The following TPRG1 variants were observed in gnomAD, a reference collection of about 807,000 sequenced individuals.
TPRG1 encodes the protein tumor protein p63-regulated gene 1 protein.
TPRG1 carries 29 observed loss-of-function variants against 29.3 expected under a neutral mutation model. That is an observed-to-expected ratio of 0.99 (90% CI 0.74 to 1.35). TPRG1 has a LOEUF of 1.35. Among genes scored for constraint, TPRG1 ranks in the 40% most tolerant of loss-of-function variants. The pLI, the probability that TPRG1 is intolerant of heterozygous loss-of-function variation, is 0.00. For synonymous variants in TPRG1, 130 were observed against 116.8 expected (o/e 1.11, Z -0.73); for missense variants, 327 against 335.0 (o/e 0.98, Z 0.19).
intron 1 of TPRG1, among the ~76,000 whole-genome samples, chr3:189,190,602 C>G (rs1036671560): frequency 1.3e-5 from 2 of 152,164 alleles, no homozygotes; most frequent in Non-Finnish European, 2.9e-5. Flanking sequence ...GATAAGAATG[C>G]TAATAGCTCT....
intron 2 of TPRG1, among the ~76,000 whole-genome samples, chr3:189,004,010 A>T (rs543410109): frequency 2.2e-4 from 34 of 152,070 alleles, no homozygotes; most frequent in Non-Finnish European, 4.0e-4. Flanking sequence ...TCCGAGTAAA[A>T]CTCGGTGAAA....
At chr3:189,017,475 C>T (rs1320534851) in intron 3 of TPRG1, among the ~76,000 whole-genome samples, 7 of 151,954 alleles carry the variant, frequency 4.6e-5, no homozygotes, top group East Asian at 1.9e-4. Flanking sequence ...TGAGAATATG[C>T]GGTGTTTGGT....
chr3:189,049,623 C>T (rs1715189476), intron 4 of TPRG1, among the ~76,000 whole-genome samples: 1 of 152,272 alleles, frequency 6.6e-6, no homozygotes, highest in Non-Finnish European at 1.5e-5. Context: ...TGCCCACCAC[C>T]AGTTCCTCTC....
chr3:189,197,580 A>T (rs537067327), intron 1 of TPRG1, among the ~76,000 whole-genome samples: 1 of 152,286 alleles, frequency 6.6e-6, no homozygotes, highest in South Asian at 2.1e-4. Context: ...TTTGGCTTAC[A>T]GAGTGGTTTT....
chr3:189,210,751 A>G (rs1735143537), intron 2 of TPRG1, among the ~76,000 whole-genome samples: 2 of 152,246 alleles, frequency 1.3e-5, no homozygotes, highest in South Asian at 2.1e-4. Context: ...GTCACGGTAG[A>G]TAGTGATCAC....
chr3:189,113,966 T>C (rs1157572719), intron 1 of TPRG1, among the ~76,000 whole-genome samples: 1 of 152,152 alleles, frequency 6.6e-6, no homozygotes, highest in Non-Finnish European at 1.5e-5. Flanking sequence ...TTCCCATCTA[T>C]ATTATTGGAG....
rs556117889 is a variant in TPRG1, at chr3:189,296,514, G to A, written c.480-13872G>A. Among the ~76,000 whole-genome samples the A allele has an allele frequency of 9.6e-4, 100 of 103,988 alleles. 1 individual carries two copies. In the Middle Eastern group the frequency reaches 0.043, roughly 44 times the overall value. The allele number at this position is 103,988 out of a possible 152,430, so 68.2% of individuals were successfully genotyped here. A position where few individuals can be genotyped will look rare whatever the true frequency, so the allele number is the denominator to read the frequency against. On this transcript the variant is annotated intron_variant, in intron 4 of 5. Coordinates refer to ENST00000345063, the MANE Select transcript of TPRG1 (RefSeq NM_198485.4). The stretch of plus-strand genomic sequence containing the variant: ...TGTGTAGATCTGTATATCTGTATAC[G>A]GATGAACAGAAGGAGGGTGTTTCAT...
intron 3 of TPRG1, among the ~76,000 whole-genome samples, chr3:189,144,453 A>G (rs2108577837): frequency 6.6e-6 from 1 of 152,360 alleles, no homozygotes; most frequent in East Asian, 1.9e-4. Context: ...TTTCGAAACA[A>G]AGAGGCAGGT....
rs979106841 is a variant in TPRG1, at chr3:189,053,442, G to T, written c.-463+29496G>T. ...CTTTCTCAGGAAACCAAACATTTGG[G>T]CTCCCGGATAGTATCAAGGAATTGA... On this transcript the variant is annotated intron_variant, in intron 4 of 10. Coordinates refer to the TPRG1 transcript ENST00000433971. 2.0e-5 allele frequency among the ~76,000 whole-genome samples: 3 copies of T among 151,992 alleles called. No individual in the cohort carries two copies. In the East Asian group the frequency reaches 5.8e-4, roughly 29 times the overall value.
intron 3 of TPRG1, among the ~76,000 whole-genome samples, chr3:189,013,781 CTTCT>C (rs1459266924): frequency 6.6e-6 from 1 of 152,064 alleles, no homozygotes; most frequent in Admixed American, 6.6e-5. Flanking sequence ...ATATATTGCC[CTTCT>C]TTGTCTTTTT....
intron 3 of TPRG1, among the ~76,000 whole-genome samples, chr3:189,134,933 T>C (rs1723564701): frequency 6.6e-6 from 1 of 152,192 alleles, no homozygotes; most frequent in South Asian, 2.1e-4. Flanking sequence ...ATCTTGAATA[T>C]GCTGTGGCTT....
chr3:189,283,821 T>C (rs957286046), intron 4 of TPRG1, among the ~76,000 whole-genome samples: 18 of 152,242 alleles, frequency 1.2e-4, no homozygotes, highest in Non-Finnish European at 1.9e-4. Flanking sequence ...AGTTAGTTAC[T>C]TGTCTAGATC....
chr3:189,212,652 C>T (rs1735456895), intron 2 of TPRG1, among the ~76,000 whole-genome samples: 1 of 151,752 alleles, frequency 6.6e-6, no homozygotes, highest in Non-Finnish European at 1.5e-5. Context: ...GACAAATTTG[C>T]TTGGACTTTA....
chr3:189,048,938 G>A (rs1715138199), intron 4 of TPRG1, among the ~76,000 whole-genome samples: 1 of 152,142 alleles, frequency 6.6e-6, no homozygotes, highest in Non-Finnish European at 1.5e-5. Flanking sequence ...AGTCAAGTTA[G>A]AGAGCTGAGC....
intron 3 of TPRG1, among the ~76,000 whole-genome samples, chr3:189,228,817 A>AAAT (rs1196553620): frequency 2.0e-5 from 3 of 152,152 alleles, no homozygotes; most frequent in Non-Finnish European, 4.4e-5. Context: ...CAGAAAGGAA[A>AAAT]AATATTAACT....
At chr3:189,148,812 C>T (rs1725576706) in intron 4 of TPRG1, among the ~76,000 whole-genome samples, 1 of 152,212 alleles carries the variant, frequency 6.6e-6, no homozygotes, top group Non-Finnish European at 1.5e-5. Context: ...TGTGGAAACC[C>T]ACTATGTGAA....
At chr3:189,190,605 A>C (rs150331742) in intron 1 of TPRG1, among the ~76,000 whole-genome samples, 3 of 152,342 alleles carry the variant, frequency 2.0e-5, no homozygotes, top group African/African-American at 7.2e-5. Flanking sequence ...AAGAATGCTA[A>C]TAGCTCTTCA....
At chr3:189,201,286 G>C (rs1222301716) in intron 1 of TPRG1, among the ~76,000 whole-genome samples, 1 of 152,198 alleles carries the variant, frequency 6.6e-6, no homozygotes, top group Non-Finnish European at 1.5e-5. Flanking sequence ...GATAGCAATG[G>C]GGATCATCAA....
intron 4 of TPRG1, among the ~76,000 whole-genome samples, chr3:189,248,979 T>C (rs1741755550): frequency 1.3e-5 from 2 of 151,308 alleles, no homozygotes; most frequent in Admixed American, 6.6e-5. Flanking sequence ...ACATACAGAG[T>C]TCTACATATA....
Sources: allele counts gnomAD v4.1 joint callset (sites outside exome capture counted in the v4.1 genomes callset), GRCh38; gene constraint gnomAD v4.1.1; transcripts MANE v1.5; gene names NCBI Gene and HGNC (gene_info 2026-07-23, HGNC 2026-07-21).